EXOC3: variants seen among roughly 807,000 people sequenced by gnomAD.
The protein encoded by EXOC3 is SEC6-like 1.
A neutral mutation model predicts 73.7 loss-of-function variants in EXOC3; 21 were observed. The ratio of observed to expected loss-of-function variants is 0.29; its 90% CI spans 0.20 to 0.41. EXOC3 has a LOEUF of 0.41. EXOC3 is among the 10% of genes least tolerant of loss of function. EXOC3 has a pLI of 1.00. For synonymous variants in EXOC3, 410 were observed against 389.1 expected (o/e 1.05, Z -0.63); for missense variants, 842 against 985.1 (o/e 0.85, Z 1.95).
intron 4 of EXOC3, among the ~76,000 whole-genome samples, chr5:456,668 G>T (rs1456624266): frequency 6.6e-6 from 1 of 151,256 alleles, no homozygotes; most frequent in Non-Finnish European, 1.5e-5. Context: ...TCCCCGGTTG[G>T]AGGGACTCAC....
chr5:455,093 C>T (rs1304099342), intron 4 of EXOC3, among the ~76,000 whole-genome samples: 2 of 151,626 alleles, frequency 1.3e-5, no homozygotes, highest in Admixed American at 6.6e-5. Flanking sequence ...GGACTCACCT[C>T]CCCTGGCTGC....
chr5:466,462 C>G (rs1260800463), intron 12 of EXOC3: 2 of 478,382 alleles, frequency 4.2e-6, no homozygotes, highest in East Asian at 6.5e-5. Flanking sequence ...GTCTTGAGCT[C>G]TCCACGGTCT....
Position 446,280 on chromosome 5 carries a change from G to A in EXOC3, c.75G>A (p.Gln25=), listed in dbSNP as rs756742640. The stretch of plus-strand genomic sequence containing the variant: ...CTGGGATGCTCCAGCGCCCGGACCA[G>A]CTGGACAAGGTGGAGCAGTATCGCA... The part of the protein sequence containing the change: ...RVAGMLQRPD[Q]LDKVEQYRRR... Residue 25 remains glutamine (Q), a synonymous_variant, in exon 2 of 13, where the codon CAG becomes CAA. Transcript: ENST00000512944. The A allele has an allele frequency of 6.8e-6, 11 of 1,613,888 alleles. No individual in the cohort carries two copies. The highest frequency in any genetic ancestry group is 8.5e-7 in the Non-Finnish European group (1 of 1,179,906).
intron 10 of EXOC3, chr5:464,659 GCC>G (rs1012942231): frequency 2.1e-6 from 1 of 467,790 alleles, no homozygotes; most frequent in African/African-American, 2.0e-5. Flanking sequence ...AGGCCCGCGT[GCC>G]CCGTCTTAGC....
chr5:465,897 C>T (rs1227396333), intron 12 of EXOC3, 52 bp downstream of exon 12: 1 of 1,555,440 alleles, frequency 6.4e-7, no homozygotes, highest in East Asian at 2.4e-5. Context: ...AGTGGAGCGG[C>T]AGGTCCCTCC....
intron 4 of EXOC3, among the ~76,000 whole-genome samples, chr5:455,460 TAAATA>T (rs1179323177): frequency 6.6e-6 from 1 of 152,238 alleles, no homozygotes; most frequent in Non-Finnish European, 1.5e-5. Context: ...TAATCCAGAT[TAAATA>T]AAAGTCTTTT....
At chr5:449,973 C>T (rs898223811) in intron 3 of EXOC3, among the ~76,000 whole-genome samples, 5 of 152,286 alleles carry the variant, frequency 3.3e-5, no homozygotes, top group South Asian at 2.1e-4. Context: ...TGGCTGGGTG[C>T]GGTGGCTCAC....
chr5:449,851 A>T (rs925380489), intron 3 of EXOC3, among the ~76,000 whole-genome samples: 1 of 152,254 alleles, frequency 6.6e-6, no homozygotes, highest in Non-Finnish European at 1.5e-5. Context: ...ATCTTTGAGC[A>T]GCTGCCAGAC....
At chr5:444,320 C>G (rs750544065) in intron 1 of EXOC3, among the ~76,000 whole-genome samples, 2 of 152,188 alleles carry the variant, frequency 1.3e-5, no homozygotes, top group Non-Finnish European at 2.9e-5. Flanking sequence ...AGATTTTCCC[C>G]TTTTCCACAT....
chr5:456,801 T>C, intron 4 of EXOC3, 88 bp from the exon 5 acceptor site: 1 of 995,566 alleles, frequency 1.0e-6, no homozygotes, highest in Non-Finnish European at 1.6e-6. Flanking sequence ...TGGACATTCA[T>C]GTGTCAAGTG....
Position 465,228 on chromosome 5 carries a change from A to G in EXOC3, c.1894A>G (p.Arg632Gly). Residue 632 changes from arginine (R) to glycine (G), a missense_variant, in exon 11 of 13, where the codon AGG becomes GGG. Coordinates refer to ENST00000512944, the MANE Select transcript of EXOC3 (RefSeq NM_007277.5). ...ERKEGAEKMV[R>G]EAEQLRFLFR... ...CAAGGAGGGTGCCGAGAAGATGGTT[A>G]GGGAGGCAGAGCAGCTGCGCTTCCT... 6.3e-7 allele frequency: 1 copy of G among 1,592,528 alleles called. No individual in the cohort carries two copies. The highest frequency in any genetic ancestry group is 8.5e-7 in the Non-Finnish European group (1 of 1,169,922).
intron 4 of EXOC3, among the ~76,000 whole-genome samples, chr5:456,194 T>C (rs1001048996): frequency 1.8e-4 from 28 of 152,210 alleles, no homozygotes; most frequent in African/African-American, 6.5e-4. Context: ...TAAAAGGGTA[T>C]AGTGTTTGCA....
At position 452,832 on chromosome 5, in the gene EXOC3, A is replaced by G. The variant is rs551293529; in HGVS notation, c.365-538A>G. Among the ~76,000 whole-genome samples the G allele has an allele frequency of 1.2e-3, 189 of 152,388 alleles. 1 individual carries two copies. Among genetic ancestry groups the G allele is most frequent in the African/African-American group, 4.0e-3 (165 of 41,598 alleles). On this transcript the variant is annotated intron_variant, in intron 3 of 12. Transcript: ENST00000512944. ...CAGTTACTTTTGAATGTCTTCATTC[A>G]TAAATATCTGGCTTTCAAGAAGGGG...
rs1738135121 is a variant in EXOC3 at position 465,941 on chromosome 5, A to C, written c.2066+96A>C. The C allele has an allele frequency of 2.9e-6, 4 of 1,403,464 alleles. No homozygotes were observed. The East Asian group carries it at 7.5e-5, about 26-fold the overall frequency. 86.9% of individuals were successfully genotyped at this position (1,403,464 alleles called of 1,614,324 possible). A position where few individuals can be genotyped will look rare whatever the true frequency, so the allele number is the denominator to read the frequency against. ...GGGGCGGGTGGGGCTCCTGGTTCGC[A>C]AGTTCAGCCCTGCAGCACGGCAAGG... On this transcript the variant is annotated intron_variant, in intron 12 of 12. Transcript: ENST00000512944.
chr5:447,506 G>A (rs1737540355), intron 2 of EXOC3, 27 bp from the exon 3 acceptor site: 1 of 1,494,884 alleles, frequency 6.7e-7, no homozygotes, highest in Non-Finnish European at 9.0e-7. Flanking sequence ...CATTGGCTCT[G>A]CTCACCCGTG....
At chr5:445,288 C>T (rs1000568612) in intron 1 of EXOC3, among the ~76,000 whole-genome samples, 15 of 151,142 alleles carry the variant, frequency 9.9e-5, no homozygotes, top group African/African-American at 2.9e-4. Flanking sequence ...TTTTCTAGGA[C>T]AGTTAAAAAA....
chr5:461,410 C>A (rs112838548), intron 7 of EXOC3, among the ~76,000 whole-genome samples: 1 of 152,192 alleles, frequency 6.6e-6, no homozygotes, highest in Non-Finnish European at 1.5e-5. Flanking sequence ...GTCAGGAGTT[C>A]GAGACCAGCC....
In EXOC3 at chr5:444,277, G is replaced by A. The variant is rs148374162; in HGVS notation, c.-57+987G>A. On this transcript the variant is annotated intron_variant, in intron 1 of 12. Coordinates refer to ENST00000512944, the MANE Select transcript of EXOC3 (RefSeq NM_007277.5). Reference sequence around the variant, plus strand: ...CCAAAATCTTTAGTCTTCAGGCTGGGATGGAAGCCTCTGCGGTGCGTTTTT... The same window carrying A: ...CCAAAATCTTTAGTCTTCAGGCTGGAATGGAAGCCTCTGCGGTGCGTTTTT... Among the ~76,000 whole-genome samples the A allele has an allele frequency of 6.3e-4, 96 of 152,346 alleles. 1 individual carries two copies. Among genetic ancestry groups the A allele is most frequent in the African/African-American group, 2.2e-3 (90 of 41,580 alleles).
In EXOC3 at chr5:453,974, G is replaced by A; in HGVS notation, c.969G>A (p.Met323Ile). Reference sequence around the variant, plus strand: ...ACCACCAAGCCCTGAGCACGCGGATGCAGGACCTCGCATCGGAAGACCTGG... The same window carrying A: ...ACCACCAAGCCCTGAGCACGCGGATACAGGACCTCGCATCGGAAGACCTGG... ...NMYHQALSTR[M>I]QDLASEDLEA... Residue 323 changes from methionine to isoleucine, a missense_variant, in exon 4 of 13, where the codon ATG becomes ATA. Met to Ile is a conservative substitution (Grantham distance 10). Transcript: ENST00000512944. 6.2e-7 allele frequency: 1 copy of A among 1,613,922 alleles called. No homozygotes were observed. Among genetic ancestry groups the A allele is most frequent in the South Asian group, 1.1e-5 (1 of 91,062 alleles).
Sources: allele counts gnomAD v4.1 joint callset (sites outside exome capture counted in the v4.1 genomes callset), GRCh38; gene constraint gnomAD v4.1.1; transcripts MANE v1.5; gene names NCBI Gene and HGNC (gene_info 2026-07-23, HGNC 2026-07-21).